The following SFMBT2 variants were observed in gnomAD, a reference collection of about 807,000 sequenced individuals.
The protein encoded by SFMBT2 is scm-like with four MBT domains protein 2.
A neutral mutation model predicts 110.1 loss-of-function variants in SFMBT2; 38 were observed. The observed-to-expected ratio is 0.35, with a 90% CI of 0.27 to 0.45. The LOEUF (loss-of-function observed/expected upper bound fraction) is 0.45, where lower values mean the gene tolerates loss of function less well. Ranked by LOEUF, SFMBT2 falls within the 20% of genes least tolerant of loss-of-function variation. The pLI is 1.00. For synonymous variants in SFMBT2, 425 were observed against 425.4 expected (o/e 1.00, Z 0.01); for missense variants, 1,011 against 1,094.9 (o/e 0.92, Z 1.08).
chr10:7,374,385 T>C (rs1485192442), intron 2 of SFMBT2, among the ~76,000 whole-genome samples: 1 of 152,202 alleles, frequency 6.6e-6, no homozygotes, highest in Non-Finnish European at 1.5e-5. Flanking sequence ...AAAGATTCGA[T>C]GATTCTATCA....
At position 7,172,500 on chromosome 10, in the gene SFMBT2, C is replaced by T. The variant is rs138413440; in HGVS notation, c.2146G>A (p.Gly716Arg). The T allele has an allele frequency of 6.2e-6, 10 of 1,613,824 alleles. No individual in the cohort carries two copies. Among genetic ancestry groups the T allele is most frequent in the African/African-American group, 5.3e-5 (4 of 74,948 alleles). ...SSAVDFTAGS[G>R]EESEEEDADA... ...GTGCCCCGGGCAGAACATACCTCCCCCGAGCCCGCGGTGAAGTCCACGGCA... is the reference window on the plus strand; with the variant it reads ...GTGCCCCGGGCAGAACATACCTCCCTCGAGCCCGCGGTGAAGTCCACGGCA... Residue 716 changes from glycine to arginine, a missense_variant, in exon 18 of 21, where the codon GGG (glycine) becomes AGG (arginine). Physicochemically the swap from Gly to Arg is moderately radical, Grantham distance 125. Transcript: ENST00000397167. This position sits in a 1 kb window ranked among gnomAD's most constrained non-coding sequence, Gnocchi z 4.6.
At chr10:7,403,079 A>C (rs1846122387) in intron 1 of SFMBT2, among the ~76,000 whole-genome samples, 1 of 152,242 alleles carries the variant, frequency 6.6e-6, no homozygotes, top group Non-Finnish European at 1.5e-5. Context: ...TACGACAGTA[A>C]ACAACATTGT....
chr10:7,214,370 G>A (rs1489477581), intron 11 of SFMBT2, among the ~76,000 whole-genome samples: 5 of 152,186 alleles, frequency 3.3e-5, no homozygotes, highest in Non-Finnish European at 5.9e-5. Context: ...TGAAGCAAGT[G>A]GAGAAGGAAA....
At chr10:7,228,733 TTCCTTTCTCTCTCTCTCTC>T (rs1840005783) in intron 9 of SFMBT2, among the ~76,000 whole-genome samples, 88 of 70,524 alleles carry the variant, frequency 1.2e-3, no homozygotes, top group African/African-American at 5.5e-3. Context: ...CTTTCTTTCT[TTCCTTTCTCTCTCTCTCTC>T]TCTCTCTCTC....
intron 7 of SFMBT2, among the ~76,000 whole-genome samples, chr10:7,253,840 A>AAG (rs1840901188): frequency 6.6e-6 from 1 of 151,920 alleles, no homozygotes; most frequent in African/African-American, 2.4e-5. Context: ...AAAAAAAAAA[A>AAG]AAATCCCTCT....
At chr10:7,348,650 C>T (rs77832620) in intron 4 of SFMBT2, among the ~76,000 whole-genome samples, 34,331 of 152,142 alleles carry the variant, frequency 0.23, 4,880 homozygotes, top group East Asian at 0.34. Context: ...AAAAGACAAA[C>T]ATTTAAGCCT....
chr10:7,271,888 T>C (rs960388873), intron 7 of SFMBT2, among the ~76,000 whole-genome samples: 12 of 152,144 alleles, frequency 7.9e-5, no homozygotes, highest in Admixed American at 6.5e-5. Context: ...GAGAACAGCA[T>C]GGGAAAGACC....
At chr10:7,314,760 T>C (rs1045625650) in intron 4 of SFMBT2, among the ~76,000 whole-genome samples, 1 of 151,668 alleles carries the variant, frequency 6.6e-6, no homozygotes, top group African/African-American at 2.4e-5. Context: ...ATACAAAAAT[T>C]AGCTGGGCAT....
At chr10:7,377,038 G>A (rs1386332242) in intron 2 of SFMBT2, among the ~76,000 whole-genome samples, 15 of 151,142 alleles carry the variant, frequency 9.9e-5, no homozygotes, top group Non-Finnish European at 1.6e-4. Context: ...GCATGGTGGC[G>A]GGCACCTGTA....
chr10:7,164,894 T>A (rs956992338), intron 20 of SFMBT2, among the ~76,000 whole-genome samples: 1 of 152,040 alleles, frequency 6.6e-6, no homozygotes, highest in South Asian at 2.1e-4. Flanking sequence ...ACACAGGGCA[T>A]GAAGACATTC....
At chr10:7,227,429 G>C (rs1188993119) in intron 10 of SFMBT2, among the ~76,000 whole-genome samples, 1 of 152,206 alleles carries the variant, frequency 6.6e-6, no homozygotes, top group Non-Finnish European at 1.5e-5. Context: ...GTGCAGCCAG[G>C]CAAAGAGCTC....
Position 7,228,492 on chromosome 10 carries a change from G to T in SFMBT2, c.1121-555C>A, listed in dbSNP as rs184636871. 3.3e-3 allele frequency: 1,197 copies of T among 367,868 alleles called. 6 individuals carry two copies. The highest frequency in any genetic ancestry group is 4.6e-3 in the Admixed American group (71 of 15,524). The allele number at this position is 367,868 out of a possible 1,614,324, so 22.8% of individuals were successfully genotyped here. ...AGAGAAAAGCTCCCAGAGAAATGAGGGAAGGAAGGCAAACGTTGCCCTGGA... is the reference window on the plus strand; with the variant it reads ...AGAGAAAAGCTCCCAGAGAAATGAGTGAAGGAAGGCAAACGTTGCCCTGGA... On this transcript the variant is annotated intron_variant, in intron 9 of 20. Transcript: ENST00000397167.
chr10:7,396,213 C>A (rs988861289), intron 1 of SFMBT2, among the ~76,000 whole-genome samples: 10 of 152,044 alleles, frequency 6.6e-5, no homozygotes, highest in African/African-American at 2.4e-4. Flanking sequence ...TGCGCCACTG[C>A]GCTACAGCCT....
chr10:7,229,729 T>TC (rs908856574), intron 9 of SFMBT2, among the ~76,000 whole-genome samples: 5 of 62,018 alleles, frequency 8.1e-5, no homozygotes, highest in African/African-American at 2.9e-4. Context: ...TTGTTGTTGT[T>TC]TTTTTTTTTG....
intron 4 of SFMBT2, among the ~76,000 whole-genome samples, chr10:7,342,250 A>G (rs1307194596): frequency 6.6e-6 from 1 of 152,172 alleles, no homozygotes; most frequent in Non-Finnish European, 1.5e-5. Context: ...GAGCACATTT[A>G]TTGACCTACT....
intron 16 of SFMBT2, among the ~76,000 whole-genome samples, chr10:7,177,171 C>T (rs1378057368): frequency 6.6e-6 from 1 of 152,194 alleles, no homozygotes; most frequent in African/African-American, 2.4e-5. Context: ...CAATTCCCCA[C>T]AGACTCAAAT....
At chr10:7,210,183 C>T (rs1839293106) in intron 11 of SFMBT2, among the ~76,000 whole-genome samples, 1 of 152,182 alleles carries the variant, frequency 6.6e-6, no homozygotes, top group African/African-American at 2.4e-5. Context: ...CACCACGGCT[C>T]CACCCAGCCG....
chr10:7,315,040 G>A (rs866137976), intron 4 of SFMBT2, among the ~76,000 whole-genome samples: 3 of 71,402 alleles, frequency 4.2e-5, no homozygotes, highest in Non-Finnish European at 9.6e-5. Flanking sequence ...GAAAGAAAGA[G>A]AAAGAAAGAA....
chr10:7,398,638 T>C (rs11818770), intron 1 of SFMBT2, among the ~76,000 whole-genome samples: 12,145 of 152,172 alleles, frequency 0.08, 589 homozygotes, highest in African/African-American at 0.13. Context: ...TTATTTAAAA[T>C]GCAGCAGTTT....
Sources: allele counts gnomAD v4.1 joint callset (sites outside exome capture counted in the v4.1 genomes callset), GRCh38; gene constraint gnomAD v4.1.1; non-coding constraint Gnocchi (gnomAD v3.1); transcripts MANE v1.5; gene names NCBI Gene and HGNC (gene_info 2026-07-23, HGNC 2026-07-21).